BACH1: variants seen among roughly 807,000 people sequenced by gnomAD.
BACH1 encodes the protein transcription regulator protein BACH1.
In BACH1, 35 loss-of-function variants were observed where a neutral mutation model predicts 52.9. The observed-to-expected ratio is 0.66, with a 90% CI of 0.51 to 0.88. The LOEUF (loss-of-function observed/expected upper bound fraction) is 0.88. Among genes scored for constraint, BACH1 ranks in the 40% least tolerant of loss-of-function variants. BACH1 has a pLI of 0.00. For missense variants in BACH1, 808 were observed against 872.6 expected (o/e 0.93, Z 0.93); for synonymous variants, 321 against 319.6 (o/e 1.00, Z -0.05).
chr21:29,339,915 C>A (rs774564591), intron 4 of BACH1, among the ~76,000 whole-genome samples: 3 of 152,184 alleles, frequency 2.0e-5, no homozygotes, highest in Admixed American at 1.3e-4. Flanking sequence ...GGATTACAGG[C>A]GTGAGCCACT....
chr21:29,317,721 T>C (rs1328465677), intron 1 of BACH1, among the ~76,000 whole-genome samples: 1 of 152,188 alleles, frequency 6.6e-6, no homozygotes, highest in East Asian at 1.9e-4. Flanking sequence ...AGAGGGGCTT[T>C]AGGGGTATAA....
rs1171970295 is a variant in BACH1 at position 29,344,647 on chromosome 21, T to C, written c.*1814T>C. On this transcript the variant is annotated 3_prime_UTR_variant, in exon 5 of 5. Coordinates refer to ENST00000286800, the MANE Select transcript of BACH1 (RefSeq NM_001186.4). The stretch of plus-strand genomic sequence containing the variant: ...CTGCAAAAGAATTTGTGTGTGTGTG[T>C]GTGTGTGTGTGTGTGTGTGTGTATG... 2 of 151,616 alleles carry C rather than the reference T, an allele frequency of 1.3e-5. No homozygotes were observed. Among genetic ancestry groups the C allele is most frequent in the African/African-American group, 4.9e-5 (2 of 41,102 alleles). The allele number at this position is 151,616 out of a possible 1,614,324, so 9.4% of individuals were successfully genotyped here.
chr21:29,347,087 T>C (rs148528471), downstream of BACH1, among the ~76,000 whole-genome samples: 830 of 152,214 alleles, frequency 5.5e-3, 24 homozygotes, highest in Admixed American at 0.046. Context: ...GTAGTAGGTA[T>C]TGAGGGTTTA....
At position 29,342,820 on chromosome 21, in the gene BACH1, C is replaced by T; in HGVS notation, c.2198C>T (p.Thr733Ile). ...TGTCAGCAGATGACTGATAAATGTA[C>T]TACTGATGAGTAAACTTGCATTCAC... ...DFCQQMTDKCTTDE is the reference protein window; with the variant it reads ...DFCQQMTDKCITDE Residue 733 changes from threonine (T) to isoleucine (I), a missense_variant, in exon 5 of 5, where the codon ACT becomes ATT. Thr to Ile is a moderately conservative substitution (Grantham distance 89). Transcript: ENST00000286800. 6.3e-7 allele frequency: 1 copy of T among 1,588,496 alleles called. No homozygotes were observed. The highest frequency in any genetic ancestry group is 8.6e-7 in the Non-Finnish European group (1 of 1,163,276).
At chr21:29,342,013 T>G (rs2089119094) in intron 4 of BACH1, among the ~76,000 whole-genome samples, 1 of 152,244 alleles carries the variant, frequency 6.6e-6, no homozygotes. Flanking sequence ...CAAACTCTTT[T>G]GACCGAAAAA....
At chr21:29,316,338 T>A (rs1444376776) in intron 1 of BACH1, among the ~76,000 whole-genome samples, 1 of 152,190 alleles carries the variant, frequency 6.6e-6, no homozygotes, top group African/African-American at 2.4e-5. Flanking sequence ...TATTTCCAAA[T>A]TGAGGTGTAG....
chr21:29,311,859 A>G (rs1197156246), intron 1 of BACH1, among the ~76,000 whole-genome samples: 2 of 152,192 alleles, frequency 1.3e-5, no homozygotes, highest in African/African-American at 2.4e-5. Flanking sequence ...GGTTAATAAT[A>G]TTTACATTCT....
At chr21:29,308,507 A>T (rs1196288480) in intron 1 of BACH1, among the ~76,000 whole-genome samples, 6 of 151,876 alleles carry the variant, frequency 4.0e-5, no homozygotes, top group Non-Finnish European at 7.4e-5. Context: ...ACCTCCCTCC[A>T]CCCTCACCCC....
chr21:29,336,237 C>T (rs533640109), intron 4 of BACH1, among the ~76,000 whole-genome samples: 1 of 152,256 alleles, frequency 6.6e-6, no homozygotes, highest in East Asian at 1.9e-4. Context: ...AGTTATTTGT[C>T]TGATTGCTTC....
intron 1 of BACH1, among the ~76,000 whole-genome samples, chr21:29,312,076 C>G (rs1220595259): frequency 6.6e-6 from 1 of 152,226 alleles, no homozygotes; most frequent in African/African-American, 2.4e-5. Flanking sequence ...TATGTCCTTA[C>G]TTGTGCTCCC....
At chr21:29,358,196 A>G (rs1181562556) in intron 2 of BACH1, among the ~76,000 whole-genome samples, 1 of 152,230 alleles carries the variant, frequency 6.6e-6, no homozygotes, top group Non-Finnish European at 1.5e-5. Flanking sequence ...AGTGAAAACT[A>G]ATTTGGCCTC....
rs1317846194 is a variant in BACH1 at position 29,326,895 on chromosome 21, A to G, written c.1071A>G (p.Gln357=). The G allele has an allele frequency of 1.2e-6, 2 of 1,614,262 alleles. No homozygotes were observed. The highest frequency in any genetic ancestry group is 1.7e-5 in the Admixed American group (1 of 60,032). ...TEKPLSGTDV[Q]EKTFGESQDL... ...AGCCTTTGTCAGGTACAGACGTCCA[A>G]GAAAAAACATTTGGTGAAAGTCAGG... Residue 357 remains glutamine, a synonymous_variant, in exon 3 of 5, where the codon CAA becomes CAG. Coordinates refer to ENST00000286800, the MANE Select transcript of BACH1 (RefSeq NM_001186.4).
chr21:29,326,536 A>T lies in BACH1; in HGVS notation c.712A>T (p.Arg238Ter). 6.2e-7 allele frequency: 1 copy of T among 1,614,230 alleles called. No individual in the cohort carries two copies. Among genetic ancestry groups the T allele is most frequent in the Non-Finnish European group, 8.5e-7 (1 of 1,180,032 alleles). The change falls in exon 3 of 5, where the codon AGA becomes TGA. Residue 238 changes from arginine to a stop codon, truncating the protein, a stop_gained. Coordinates refer to ENST00000286800, the MANE Select transcript of BACH1 (RefSeq NM_001186.4). LOFTEE classifies it high-confidence loss of function. ...RKFQKAFGTDRVRTGESSVKD... is the reference protein window; with the variant it reads ...RKFQKAFGTD ...ATTCCAAAAAGCATTTGGAACTGAC[A>T]GAGTCCGTACTGGGGAATCTAGTGT...
rs1306529349 is a variant in BACH1, at chr21:29,343,143, ACTG to A, written c.*312_*314del. 1 of 190,042 alleles carries A rather than the reference ACTG, an allele frequency of 5.3e-6. No homozygotes were observed. The highest frequency in any genetic ancestry group is 2.3e-5 in the African/African-American group (1 of 42,860). The allele number at this position is 190,042 out of a possible 1,614,324, so 11.8% of individuals were successfully genotyped here. ...ATTCAGAATAAGTAGGAGAATGAAA[ACTG>A]CAGCATATCAGACAGCAATTTAACA... On this transcript the variant is annotated 3_prime_UTR_variant, in exon 5 of 5. Transcript: ENST00000286800.
chr21:29,306,169 AGTGTGTGTGTGTGTGTGT>A (rs61571512), intron 1 of BACH1, among the ~76,000 whole-genome samples: 47 of 141,288 alleles, frequency 3.3e-4, no homozygotes, highest in African/African-American at 1.1e-3. Context: ...GGTCAGGAAG[AGTGTGTGTGTGTGTGTGT>A]GTGTGTGTGT....
chr21:29,312,383 A>C (rs2088735559), intron 1 of BACH1, among the ~76,000 whole-genome samples: 1 of 152,196 alleles, frequency 6.6e-6, no homozygotes, highest in Non-Finnish European at 1.5e-5. Context: ...TATGGGAATG[A>C]GATGAGGATA....
At chr21:29,360,406 C>T (rs924463566) in intron 2 of BACH1, among the ~76,000 whole-genome samples, 3 of 152,168 alleles carry the variant, frequency 2.0e-5, no homozygotes, top group African/African-American at 4.8e-5. Flanking sequence ...ATTTTGTCGG[C>T]GGCCTCAGAG....
rs373779104 is a variant in BACH1 at position 29,321,374 on chromosome 21, G to C, written c.94G>C (p.Val32Leu). The C allele has an allele frequency of 1.9e-6, 3 of 1,614,134 alleles. No individual in the cohort carries two copies. The highest frequency in any genetic ancestry group is 2.5e-6 in the Non-Finnish European group (3 of 1,180,054). ...CCTTAATGACCAGCGGAAGAAAGAT[G>C]TGCTGTGCGATGTCACCATCTTTGT... is the stretch of plus-strand genomic sequence containing the variant. The part of the protein sequence containing the change: ...LSLNDQRKKD[V>L]LCDVTIFVEG... The change falls in exon 2 of 5, where the codon GTG becomes CTG. Residue 32 changes from valine (V) to leucine (L), a missense_variant. Physicochemically the swap from Val to Leu is conservative, Grantham distance 32. Transcript: ENST00000286800.
intron 1 of BACH1, among the ~76,000 whole-genome samples, chr21:29,313,887 G>A (rs867514430): frequency 6.6e-6 from 1 of 152,162 alleles, no homozygotes; most frequent in African/African-American, 2.4e-5. Flanking sequence ...GTCTTGGTTG[G>A]GGGGGGTGGT....
Sources: gnomAD v4.1 joint callset for allele counts (sites outside exome capture counted in the v4.1 genomes callset) on GRCh38, gnomAD v4.1.1 for gene constraint, MANE v1.5 for transcripts, NCBI Gene and HGNC (gene_info 2026-07-23, HGNC 2026-07-21) for gene names.